NOC2L: variants seen among roughly 807,000 people sequenced by gnomAD.
The protein encoded by NOC2L is NOC2 like nucleolar associated transcriptional repressor, also known as nucleolar complex protein 2 homolog.
A neutral mutation model predicts 94.2 loss-of-function variants in NOC2L; 101 were observed. That is an observed-to-expected ratio of 1.07 (90% CI 0.91 to 1.26). The LOEUF (loss-of-function observed/expected upper bound fraction) is 1.26, where lower values mean the gene tolerates loss of function less well. Ranked by LOEUF, NOC2L falls within the 50% of genes most tolerant of loss-of-function variation. The pLI is 0.00. For missense variants in NOC2L, 1,076 were observed against 980.1 expected (o/e 1.10, Z -1.31); for synonymous variants, 531 against 413.4 (o/e 1.28, Z -3.45).
intron 2 of NOC2L, chr1:957,781 C>G (rs115345247): frequency 6.2e-6 from 1 of 160,994 alleles, no homozygotes; most frequent in Non-Finnish European, 1.4e-5. Context: ...AGGCACTCCA[C>G]CGCTCAAACC....
At chr1:956,055 G>A (rs1458314896) in intron 5 of NOC2L, 40 bp downstream of exon 5, 26 of 1,613,944 alleles carry the variant, frequency 1.6e-5, no homozygotes, top group Middle Eastern at 1.6e-4. Flanking sequence ...GACAGAGAAC[G>A]CAACAGACAG....
rs191278456 is a variant in NOC2L, at chr1:954,815, C to T, written c.699-733G>A. 5.9e-5 allele frequency among the ~76,000 whole-genome samples: 9 copies of T among 151,854 alleles called. No homozygotes were observed. In the East Asian group the frequency reaches 1.7e-3, roughly 29 times the overall value. On this transcript the variant is annotated intron_variant, in intron 6 of 18. Coordinates refer to ENST00000327044, the MANE Select transcript of NOC2L (RefSeq NM_015658.4). Reference sequence around the variant, plus strand: ...CCAGCCTGGGCGACAGAGCAAGATCCTATCTCGTAAGGAAAAAAAAAAACC... The same window carrying T: ...CCAGCCTGGGCGACAGAGCAAGATCTTATCTCGTAAGGAAAAAAAAAAACC...
intron 9 of NOC2L, 30 bp downstream of exon 9, chr1:953,145 G>A (rs1461615497): frequency 6.6e-7 from 1 of 1,505,496 alleles, no homozygotes; most frequent in Non-Finnish European, 9.2e-7. Context: ...TGCAGATGCT[G>A]AGGGACACAG....
At chr1:958,742 G>C in intron 2 of NOC2L, 187 bp downstream of exon 2, 2 of 722,150 alleles carry the variant, frequency 2.8e-6, no homozygotes, top group Non-Finnish European at 5.0e-6. Context: ...CCCTGCCTAG[G>C]ACAGAGTTTG....
At chr1:954,234 A>G (rs373696284) in intron 6 of NOC2L, 152 bp from the exon 7 acceptor site, 1 of 651,606 alleles carries the variant, frequency 1.5e-6, no homozygotes. Flanking sequence ...GGCCCCTTAC[A>G]GCTGGACAGA....
In NOC2L at chr1:951,991, A is replaced by G. The variant is rs1642272382; in HGVS notation, c.1331+9T>C. The G allele has an allele frequency of 9.9e-6, 16 of 1,610,256 alleles. No homozygotes were observed. The highest frequency in any genetic ancestry group is 1.4e-5 in the Non-Finnish European group (16 of 1,178,302). ...CCTCCCGCACAACCCTGCCCACCCC[A>G]CAACTCACTTGATACAGCCAATGAT... On this transcript the variant is annotated intron_variant, in intron 11 of 18. Transcript: ENST00000327044.
At chr1:947,616 A>G (rs1642149373) in intron 14 of NOC2L, among the ~76,000 whole-genome samples, 1 of 152,216 alleles carries the variant, frequency 6.6e-6, no homozygotes, top group Admixed American at 6.5e-5. Context: ...CCTTCTGAGG[A>G]TAAGGAGAAC....
chr1:945,530 A>AT lies in NOC2L; in HGVS notation c.2040dup (p.Phe681IlefsTer20), dbSNP rs769118162. ...ACGCAGGCCCCACCTCTCTCCGAGA[A>AT]TCCCTCGGTGTCGTCCTCTTCAGAG... On this transcript the variant is annotated frameshift_variant, in exon 17 of 19. Transcript: ENST00000327044. LOFTEE classifies it high-confidence loss of function. The AT allele has an allele frequency of 3.1e-6, 5 of 1,613,692 alleles. No homozygotes were observed. In the Admixed American group the frequency reaches 8.3e-5, roughly 27 times the overall value.
At chr1:946,614 T>C in intron 14 of NOC2L, 69 bp from the exon 15 acceptor site, 1 of 1,566,950 alleles carries the variant, frequency 6.4e-7, no homozygotes, top group East Asian at 2.3e-5. Flanking sequence ...CCAGGTCCTG[T>C]GCAAAACCAC....
intron 12 of NOC2L, among the ~76,000 whole-genome samples, chr1:949,985 C>T (rs1461949449): frequency 1.3e-5 from 2 of 152,172 alleles, no homozygotes; most frequent in East Asian, 1.9e-4. Flanking sequence ...AAATTTACAG[C>T]GGGGTGGGGC....
In NOC2L at chr1:946,561, G is replaced by C; in HGVS notation, c.1660-16C>G. 1.9e-6 allele frequency: 3 copies of C among 1,609,034 alleles called. No individual in the cohort carries two copies. Among genetic ancestry groups the C allele is most frequent in the African/African-American group, 1.3e-5 (1 of 75,026 alleles). ...ACGACTTCAGCTGCGGAAGGGAGGG[G>C]TCAGCCACTGAAGCCCAGGACCGCT... On this transcript the variant is annotated splice_polypyrimidine_tract_variant and intron_variant, in intron 14 of 18. Transcript: ENST00000327044.
chr1:956,225 C>T lies in NOC2L; in HGVS notation c.487-10G>A, dbSNP rs761968802. The T allele has an allele frequency of 6.2e-6, 10 of 1,612,698 alleles. No individual in the cohort carries two copies. The highest frequency in any genetic ancestry group is 8.5e-6 in the Non-Finnish European group (10 of 1,179,978). ...TTGGAGTGAGGCGTTGCTGAAGGAG[C>T]AAGAGTACCAGGGGCGTCAGGGGAG... On this transcript the variant is annotated splice_polypyrimidine_tract_variant and intron_variant, in intron 4 of 18. Coordinates refer to ENST00000327044, the MANE Select transcript of NOC2L (RefSeq NM_015658.4).
intron 18 of NOC2L, 124 bp from the exon 19 acceptor site, chr1:944,924 A>G (rs1476873941): frequency 1.4e-6 from 2 of 1,462,334 alleles, no homozygotes; most frequent in East Asian, 4.6e-5. Flanking sequence ...CTGCCAGAGA[A>G]CAGAGCATTT....
rs554180004 is a variant in NOC2L at position 957,352 on chromosome 1, T to A, written c.180-79A>T. On this transcript the variant is annotated intron_variant, in intron 2 of 18. Coordinates refer to ENST00000327044, the MANE Select transcript of NOC2L (RefSeq NM_015658.4). ...GGAGTGGCCTACAGGGTCAGTCTAC[T>A]CCCTTCACAAGGGTTACCAACTAGC... The A allele has an allele frequency of 3.5e-6, 5 of 1,420,112 alleles. No individual in the cohort carries two copies. The South Asian group carries it at 6.2e-5, about 18-fold the overall frequency. 88.0% of individuals were successfully genotyped at this position (1,420,112 alleles called of 1,614,324 possible). A position where few individuals can be genotyped will look rare whatever the true frequency, so the allele number is the denominator to read the frequency against.
At position 951,164 on chromosome 1, in the gene NOC2L, G is replaced by C. The variant is rs549858391; in HGVS notation, c.1406C>G (p.Ser469Trp). 1 of 1,594,210 alleles carries C rather than the reference G, an allele frequency of 6.3e-7. No homozygotes were observed. The highest frequency in any genetic ancestry group is 1.1e-5 in the South Asian group (1 of 87,494). Residue 469 changes from serine (S) to tryptophan (W), a missense_variant, in exon 12 of 19, where the codon TCG becomes TGG. Physicochemically the swap from Ser to Trp is radical, Grantham distance 177 (BLOSUM62 -3). This residue lies in a region of NOC2L where 615 missense variants were observed against 577.4 expected (regional missense o/e 1.07). Coordinates refer to ENST00000327044, the MANE Select transcript of NOC2L (RefSeq NM_015658.4). ...IRALTLLSGS[S>W]GAFIPVLPFI... ...AGGCAGCACCGGGATGAAGGCCCCC[G>C]AGCTCCCCGAGAGCAGCGTCAGGGC...
At chr1:952,977 A>G (rs1372525738) in intron 9 of NOC2L, among the ~76,000 whole-genome samples, 198 bp downstream of exon 9, 1 of 152,114 alleles carries the variant, frequency 6.6e-6, no homozygotes, top group Non-Finnish European at 1.5e-5. Flanking sequence ...TGGGGCCCTG[A>G]GAAGGCCGAG....
intron 12 of NOC2L, 114 bp downstream of exon 12, chr1:951,013 A>C: frequency 1.3e-6 from 1 of 781,412 alleles, no homozygotes; most frequent in South Asian, 1.5e-5. Context: ...CGTGACAAGG[A>C]GGCGGCCAGG....
intron 12 of NOC2L, among the ~76,000 whole-genome samples, chr1:949,187 G>A (rs1474899213): frequency 3.3e-5 from 5 of 152,058 alleles, no homozygotes; most frequent in Non-Finnish European, 7.4e-5. Context: ...GAGTCAGCCT[G>A]GCCTCTCAGT....
intron 4 of NOC2L, 96 bp downstream of exon 4, chr1:956,798 A>G: frequency 1.3e-6 from 2 of 1,554,674 alleles, no homozygotes; most frequent in East Asian, 2.2e-5. Context: ...CTGCCTGGGC[A>G]CCCAGCTGCC....
Sources: gnomAD v4.1 joint callset for allele counts (sites outside exome capture counted in the v4.1 genomes callset) on GRCh38, gnomAD v4.1.1 for gene constraint, gnomAD v4.1.1 regional missense constraint, MANE v1.5 for transcripts, NCBI Gene and HGNC (gene_info 2026-07-23, HGNC 2026-07-21) for gene names.